PLCL1: variants seen among roughly 807,000 people sequenced by gnomAD.
PLCL1 encodes inactive phospholipase C-like protein 1.
In PLCL1, 41 loss-of-function variants were observed where a neutral mutation model predicts 84.4. That is an observed-to-expected ratio of 0.49 (90% CI 0.38 to 0.63). The LOEUF (loss-of-function observed/expected upper bound fraction) is 0.63, where lower values mean the gene tolerates loss of function less well. Among genes scored for constraint, PLCL1 ranks in the 30% least tolerant of loss-of-function variants. PLCL1 has a pLI of 0.00. For missense variants in PLCL1, 1,206 were observed against 1,367.8 expected (o/e 0.88, Z 1.87); for synonymous variants, 490 against 488.3 (o/e 1.00, Z -0.05).
intron 1 of PLCL1, among the ~76,000 whole-genome samples, chr2:197,846,803 T>C (rs1162048306): frequency 6.6e-6 from 1 of 152,184 alleles, no homozygotes; most frequent in Non-Finnish European, 1.5e-5. Flanking sequence ...ATTGTGGTTT[T>C]ATAGTAAATG....
At chr2:197,988,709 A>G (rs1690271392) in intron 1 of PLCL1, among the ~76,000 whole-genome samples, 1 of 152,200 alleles carries the variant, frequency 6.6e-6, no homozygotes, top group African/African-American at 2.4e-5. Flanking sequence ...TTTTTGATAT[A>G]ATAACTTCTT....
intron 5 of PLCL1, among the ~76,000 whole-genome samples, chr2:198,129,825 T>C (rs1457276080): frequency 6.6e-6 from 1 of 151,854 alleles, no homozygotes; most frequent in African/African-American, 2.4e-5. Flanking sequence ...TACCTCCCAC[T>C]CACTTCTTAG....
At chr2:197,978,666 C>A (rs1448482182) in intron 1 of PLCL1, among the ~76,000 whole-genome samples, 1 of 152,184 alleles carries the variant, frequency 6.6e-6, no homozygotes, top group Non-Finnish European at 1.5e-5. Context: ...TATTTAGACA[C>A]TTCTTCCAAA....
chr2:197,850,743 C>T (rs1388164263), intron 1 of PLCL1, among the ~76,000 whole-genome samples: 2 of 151,992 alleles, frequency 1.3e-5, no homozygotes, highest in Admixed American at 6.6e-5. Context: ...TACGGGAATC[C>T]CTGAGTTGGT....
At chr2:197,829,599 T>C (rs1691012679) in intron 1 of PLCL1, among the ~76,000 whole-genome samples, 1 of 152,222 alleles carries the variant, frequency 6.6e-6, no homozygotes, top group Non-Finnish European at 1.5e-5. Context: ...TGCTGTTCTA[T>C]TATAAGTAGT....
In PLCL1 at chr2:197,805,865, G is replaced by C. The variant is rs962072459; in HGVS notation, c.240+526G>C. ...ACCCTGCATCACAGTAAAGAGCAAT[G>C]CAAGAGCCCAGAGTTTTTGCGCTGC... On this transcript the variant is annotated intron_variant, in intron 1 of 5. Transcript: ENST00000428675. This position sits in a 1 kb window ranked among gnomAD's most constrained non-coding sequence, Gnocchi z 4.0. Among the ~76,000 whole-genome samples the C allele has an allele frequency of 2.0e-5, 3 of 152,210 alleles. No homozygotes were observed. Among genetic ancestry groups the C allele is most frequent in the African/African-American group, 7.2e-5 (3 of 41,448 alleles).
chr2:198,100,046 T>C (rs772531687), intron 3 of PLCL1, among the ~76,000 whole-genome samples: 3 of 151,716 alleles, frequency 2.0e-5, no homozygotes, highest in Non-Finnish European at 4.4e-5. Context: ...GAGATGGGAG[T>C]TCAAAAAGAT....
chr2:197,980,627 T>G (rs1369517859), intron 1 of PLCL1, among the ~76,000 whole-genome samples: 1 of 152,196 alleles, frequency 6.6e-6, no homozygotes, highest in Non-Finnish European at 1.5e-5. Context: ...AATAATGTAT[T>G]GAGCACCTTC....
intron 1 of PLCL1, among the ~76,000 whole-genome samples, chr2:197,968,605 C>T (rs949139537): frequency 6.6e-6 from 1 of 152,152 alleles, no homozygotes; most frequent in East Asian, 1.9e-4. Context: ...TAACTTAATT[C>T]TCCAGTTTTA....
intron 1 of PLCL1, among the ~76,000 whole-genome samples, chr2:197,836,502 G>A (rs866748973): frequency 7.1e-6 from 1 of 140,170 alleles, no homozygotes; most frequent in Non-Finnish European, 1.5e-5. Context: ...TCAATTCACT[G>A]TCTGTCACTT....
chr2:198,068,095 C>T (rs1692362462), intron 1 of PLCL1, among the ~76,000 whole-genome samples: 1 of 152,000 alleles, frequency 6.6e-6, no homozygotes, highest in Admixed American at 6.6e-5. Flanking sequence ...GTTGAGGTGT[C>T]AAGTATTTTT....
intron 1 of PLCL1, among the ~76,000 whole-genome samples, chr2:198,025,983 G>A (rs1452701534): frequency 6.6e-6 from 1 of 152,200 alleles, no homozygotes; most frequent in East Asian, 1.9e-4. Context: ...TTGCAATGGG[G>A]CCATTGTTGT....
intron 1 of PLCL1, among the ~76,000 whole-genome samples, chr2:197,861,445 T>C (rs1421281089): frequency 6.6e-6 from 1 of 152,190 alleles, no homozygotes; most frequent in South Asian, 2.1e-4. Flanking sequence ...TAACATCGTT[T>C]TAAATAAACC....
chr2:197,910,160 T>C (rs1688458353), intron 1 of PLCL1, among the ~76,000 whole-genome samples: 1 of 152,218 alleles, frequency 6.6e-6, no homozygotes, highest in Admixed American at 6.5e-5. Context: ...CATATCTTCT[T>C]AGGAAAGCAA....
At chr2:198,002,352 A>G (rs1426388347) in intron 1 of PLCL1, among the ~76,000 whole-genome samples, 2 of 152,108 alleles carry the variant, frequency 1.3e-5, no homozygotes, top group African/African-American at 4.8e-5. Context: ...CTTGAAATCA[A>G]ATTTCTGGGT....
chr2:197,996,647 A>G (rs1032574272), intron 1 of PLCL1, among the ~76,000 whole-genome samples: 4 of 152,156 alleles, frequency 2.6e-5, no homozygotes, highest in East Asian at 3.9e-4. Flanking sequence ...AGTTATGTGC[A>G]TAGCAGCTAT....
chr2:198,087,661 TTTAGAGTAACTTAAAG>T (rs1173920880), intron 2 of PLCL1, among the ~76,000 whole-genome samples: 3 of 152,110 alleles, frequency 2.0e-5, no homozygotes, highest in Non-Finnish European at 4.4e-5. Context: ...AACTGTACAT[TTTAGAGTAACTTAAAG>T]AGTCTAATTG....
At chr2:197,979,572 T>C (rs972420139) in intron 1 of PLCL1, among the ~76,000 whole-genome samples, 2 of 152,214 alleles carry the variant, frequency 1.3e-5, no homozygotes, top group Non-Finnish European at 2.9e-5. Context: ...ACTTCTCTGC[T>C]TACGCACATT....
chr2:198,106,433 G>T (rs1693475658), intron 5 of PLCL1, among the ~76,000 whole-genome samples: 1 of 151,940 alleles, frequency 6.6e-6, no homozygotes, highest in African/African-American at 2.4e-5. Context: ...TCTGAGTCCA[G>T]TGGAGGAGGG....
Sources: gnomAD v4.1 joint callset for allele counts (sites outside exome capture counted in the v4.1 genomes callset) on GRCh38, gnomAD v4.1.1 for gene constraint, Gnocchi (gnomAD v3.1) non-coding constraint, MANE v1.5 for transcripts, NCBI Gene and HGNC (gene_info 2026-07-23, HGNC 2026-07-21) for gene names.